ARHGAP32: variants seen among roughly 807,000 people sequenced by gnomAD.
The protein encoded by ARHGAP32 is Rho GTPase activating protein 32.
Under a neutral mutation model 186.5 loss-of-function variants are expected in ARHGAP32, and 51 were observed. The observed-to-expected ratio is 0.27, with a 90% CI of 0.22 to 0.35. The LOEUF is 0.35. Ranked by LOEUF, ARHGAP32 falls within the 10% of genes least tolerant of loss-of-function variation. ARHGAP32 has a pLI of 1.00. For missense variants in ARHGAP32, 2,186 were observed against 2,623.5 expected (o/e 0.83, Z 3.64); for synonymous variants, 950 against 964.3 (o/e 0.99, Z 0.27).
chr11:129,102,351 C>T (rs1941924060), intron 5 of ARHGAP32, among the ~76,000 whole-genome samples: 1 of 152,074 alleles, frequency 6.6e-6, no homozygotes, highest in African/African-American at 2.4e-5. Context: ...ACACATATCA[C>T]TACTAACCTT....
At chr11:129,096,449 G>A (rs982216163) in intron 5 of ARHGAP32, among the ~76,000 whole-genome samples, 1 of 152,074 alleles carries the variant, frequency 6.6e-6, no homozygotes, top group African/African-American at 2.4e-5. Flanking sequence ...ACTTCCAAGG[G>A]AAGGCTTGGA....
rs73029251 is a variant in ARHGAP32, at chr11:128,992,444, C to A, written c.1196-4319G>T. On this transcript the variant is annotated intron_variant, in intron 12 of 22. Coordinates refer to ENST00000682385, the MANE Select transcript of ARHGAP32 (RefSeq NM_001378024.1). ...CGTCACATCACCACCACCACCACCA[C>A]CACCAACAACAACACAACATTTTAA... 5.4e-3 allele frequency among the ~76,000 whole-genome samples: 827 copies of A among 151,898 alleles called. 9 individuals are homozygous for A. Among genetic ancestry groups the A allele is most frequent in the African/African-American group, 7.2e-3 (297 of 41,442 alleles).
chr11:129,086,271 A>G (rs934506603), intron 6 of ARHGAP32, among the ~76,000 whole-genome samples: 3 of 152,214 alleles, frequency 2.0e-5, no homozygotes, highest in African/African-American at 7.2e-5. Flanking sequence ...CACCTTTTAC[A>G]AGAATTAACT....
At chr11:129,179,101 AAAAC>A (rs1480508592) in intron 1 of ARHGAP32, among the ~76,000 whole-genome samples, 7 of 151,940 alleles carry the variant, frequency 4.6e-5, no homozygotes, top group African/African-American at 7.2e-5. Context: ...TTACAAGAAA[AAAAC>A]AAACAACCCC....
chr11:129,261,163 AT>A (rs1349691787), intron 1 of ARHGAP32, among the ~76,000 whole-genome samples: 1 of 152,158 alleles, frequency 6.6e-6, no homozygotes, highest in Non-Finnish European at 1.5e-5. Flanking sequence ...CAAAAAGGAA[AT>A]AAAAGATCAC....
chr11:129,099,977 G>A (rs1258529241), intron 5 of ARHGAP32, among the ~76,000 whole-genome samples: 2 of 152,194 alleles, frequency 1.3e-5, no homozygotes, highest in Non-Finnish European at 2.9e-5. Context: ...CAGCTCCCGG[G>A]GAAGAGGTGA....
At chr11:129,010,927 C>A (rs1938047106) in intron 11 of ARHGAP32, among the ~76,000 whole-genome samples, 1 of 152,144 alleles carries the variant, frequency 6.6e-6, no homozygotes, top group Admixed American at 6.5e-5. Flanking sequence ...AGAAAGCATT[C>A]TTTAAGTAAC....
Position 129,123,669 on chromosome 11 carries a change from C to T in ARHGAP32, c.360-139G>A, listed in dbSNP as rs1565433398. 5.1e-6 allele frequency: 4 copies of T among 785,964 alleles called. No homozygotes were observed. The highest frequency in any genetic ancestry group is 8.3e-6 in the Non-Finnish European group (4 of 483,578). 48.7% of individuals were successfully genotyped at this position (785,964 alleles called of 1,614,324 possible). A position where few individuals can be genotyped will look rare whatever the true frequency, so the allele number is the denominator to read the frequency against. On this transcript the variant is annotated intron_variant, in intron 4 of 22. Transcript: ENST00000682385. This position sits in a 1 kb window ranked among gnomAD's most constrained non-coding sequence, Gnocchi z 4.6. The stretch of plus-strand genomic sequence containing the variant: ...CACATGCGCATGAGCCACACATATC[C>T]GCACAAATCCTCTTAAAAATACACT...
At chr11:129,110,697 T>C (rs1055483175) in intron 5 of ARHGAP32, among the ~76,000 whole-genome samples, 2 of 152,172 alleles carry the variant, frequency 1.3e-5, no homozygotes, top group Non-Finnish European at 2.9e-5. Flanking sequence ...TTAGTTATTG[T>C]AAATACGATT....
At chr11:128,990,523 A>G (rs1946017732) in intron 12 of ARHGAP32, among the ~76,000 whole-genome samples, 1 of 152,178 alleles carries the variant, frequency 6.6e-6, no homozygotes, top group African/African-American at 2.4e-5. Flanking sequence ...ATTTTCAACT[A>G]CATGCTTTCT....
At chr11:129,139,413 A>C (rs938051580) in intron 2 of ARHGAP32, among the ~76,000 whole-genome samples, 1 of 152,224 alleles carries the variant, frequency 6.6e-6, no homozygotes. Flanking sequence ...ATGGTATATT[A>C]GTGAAATTAA....
chr11:129,174,356 G>T (rs1022781514), intron 1 of ARHGAP32, among the ~76,000 whole-genome samples: 6 of 152,186 alleles, frequency 3.9e-5, no homozygotes, highest in Non-Finnish European at 8.8e-5. Flanking sequence ...GCGGCAGCAA[G>T]GCTCGGGGAG....
chr11:129,059,011 G>T (rs1940380545), intron 10 of ARHGAP32, among the ~76,000 whole-genome samples: 2 of 152,204 alleles, frequency 1.3e-5, no homozygotes, highest in South Asian at 4.1e-4. Flanking sequence ...GTTCCCACCA[G>T]TAAACATGTA....
intron 22 of ARHGAP32, chr11:128,972,186 G>A (rs1160167169): frequency 8.5e-6 from 2 of 234,362 alleles, no homozygotes; most frequent in Non-Finnish European, 1.7e-5. Context: ...TGTGTTACTG[G>A]AATAAACTAC....
chr11:129,154,029 A>G (rs1311102949), intron 2 of ARHGAP32, among the ~76,000 whole-genome samples: 1 of 149,764 alleles, frequency 6.7e-6, no homozygotes, highest in Non-Finnish European at 1.5e-5. Context: ...ACTCCAACAA[A>G]TCAGCAAGAA....
chr11:129,220,417 A>G (rs1412428492), intron 1 of ARHGAP32, among the ~76,000 whole-genome samples: 2 of 152,206 alleles, frequency 1.3e-5, no homozygotes, highest in African/African-American at 4.8e-5. Flanking sequence ...AAAAATACAT[A>G]TATTTTAGCT....
intron 1 of ARHGAP32, among the ~76,000 whole-genome samples, chr11:129,174,274 A>G (rs181426465): frequency 7.9e-5 from 12 of 152,178 alleles, no homozygotes; most frequent in African/African-American, 1.9e-4. Flanking sequence ...TATCCCGCAC[A>G]TGGCTCGGAG....
intron 11 of ARHGAP32, among the ~76,000 whole-genome samples, chr11:129,033,911 T>C (rs55877584): frequency 0.28 from 41,951 of 152,108 alleles, 6,288 homozygotes; most frequent in Middle Eastern, 0.4. Flanking sequence ...GTTTCTGGAC[T>C]CTATTCTGTT....
At chr11:129,100,538 G>A (rs527898327) in intron 5 of ARHGAP32, among the ~76,000 whole-genome samples, 4 of 152,286 alleles carry the variant, frequency 2.6e-5, no homozygotes, top group African/African-American at 9.6e-5. Flanking sequence ...GCACATGTCA[G>A]TATGGGCAGG....
Sources: gnomAD v4.1 joint callset for allele counts (sites outside exome capture counted in the v4.1 genomes callset) on GRCh38, gnomAD v4.1.1 for gene constraint, Gnocchi (gnomAD v3.1) non-coding constraint, MANE v1.5 for transcripts, NCBI Gene and HGNC (gene_info 2026-07-23, HGNC 2026-07-21) for gene names.